OLFM3: variants seen among roughly 807,000 people sequenced by gnomAD.
OLFM3 encodes olfactomedin 3.
Under a neutral mutation model 48.6 loss-of-function variants are expected in OLFM3, and 20 were observed. That is an observed-to-expected ratio of 0.41 (90% CI 0.29 to 0.60). The LOEUF (loss-of-function observed/expected upper bound fraction) is 0.60. Among genes scored for constraint, OLFM3 ranks in the 20% least tolerant of loss-of-function variants. OLFM3 has a pLI of 0.28. For missense variants in OLFM3, 437 were observed against 544.3 expected, an observed-to-expected ratio of 0.80 and a Z score of 1.96; for synonymous variants, 222 against 198.1, an observed-to-expected ratio of 1.12 and a Z score of -1.01.
chr1:101,973,240 T>C (rs527514322), intron 1 of OLFM3, among the ~76,000 whole-genome samples: 1 of 152,310 alleles, frequency 6.6e-6, no homozygotes. Context: ...CTGAGACTGA[T>C]GGCCTGCGAA....
intron 1 of OLFM3, among the ~76,000 whole-genome samples, chr1:101,908,719 A>C (rs763896473): frequency 8.5e-5 from 13 of 152,326 alleles, no homozygotes; most frequent in Non-Finnish European, 1.6e-4. Context: ...CCCTAAATCC[A>C]GTGATAAATG....
chr1:101,986,117 C>T (rs1483288764), intron 1 of OLFM3, among the ~76,000 whole-genome samples: 1 of 151,988 alleles, frequency 6.6e-6, no homozygotes, highest in Non-Finnish European at 1.5e-5. Flanking sequence ...AGGCGCCCGC[C>T]ACCACGCCCG....
chr1:101,919,934 G>C (rs1003971376), intron 1 of OLFM3, among the ~76,000 whole-genome samples: 2 of 152,116 alleles, frequency 1.3e-5, no homozygotes, highest in African/African-American at 4.8e-5. Flanking sequence ...CTCTATCTCA[G>C]TAAATGGCAA....
chr1:101,893,279 C>A, intron 1 of OLFM3: 1 of 355,122 alleles, frequency 2.8e-6, no homozygotes, highest in East Asian at 7.9e-5. Context: ...ACAGTGCTGT[C>A]ATAATTGCCA....
At chr1:101,811,653 G>C (rs1009406002) in intron 4 of OLFM3, among the ~76,000 whole-genome samples, 4 of 152,174 alleles carry the variant, frequency 2.6e-5, no homozygotes, top group African/African-American at 9.7e-5. Context: ...TCTCACAGCA[G>C]TTAGAATGGC....
At chr1:101,982,058 T>C (rs975614256) in intron 1 of OLFM3, among the ~76,000 whole-genome samples, 1 of 152,220 alleles carries the variant, frequency 6.6e-6, no homozygotes, top group Non-Finnish European at 1.5e-5. Context: ...TAGGTTATGC[T>C]AAATTGAAGG....
At position 101,895,774 on chromosome 1, in the gene OLFM3, T is replaced by A. The variant is rs140592150; in HGVS notation, c.70-58749A>T. Among the ~76,000 whole-genome samples the A allele has an allele frequency of 3.9e-3, 600 of 152,158 alleles. 7 individuals carry two copies. Among genetic ancestry groups the A allele is most frequent in the African/African-American group, 0.014 (573 of 41,546 alleles). On this transcript the variant is annotated intron_variant, in intron 1 of 5. Coordinates refer to ENST00000370103, the MANE Select transcript of OLFM3 (RefSeq NM_058170.4). ...ATGGAAGAGAATAAAATACATCAGA[T>A]TGAACTTTATAATTTTTATGTTACA...
intron 1 of OLFM3, among the ~76,000 whole-genome samples, chr1:101,890,901 A>C (rs1360798915): frequency 6.6e-6 from 1 of 151,974 alleles, no homozygotes; most frequent in African/African-American, 2.4e-5. Flanking sequence ...ATGAATTAAC[A>C]CTGTTGGAAA....
chr1:101,844,127 T>C (rs1655869632), intron 1 of OLFM3, among the ~76,000 whole-genome samples: 1 of 152,164 alleles, frequency 6.6e-6, no homozygotes, highest in Non-Finnish European at 1.5e-5. Flanking sequence ...TTGGAATTAT[T>C]TGAGAGGCAG....
rs548153409 is a variant in OLFM3 at position 101,965,903 on chromosome 1, T to C, written c.69+30845A>G. 2.2e-4 allele frequency among the ~76,000 whole-genome samples: 33 copies of C among 152,342 alleles called. No individual in the cohort carries two copies. In the South Asian group the frequency reaches 6.6e-3, roughly 31 times the overall value. On this transcript the variant is annotated intron_variant, in intron 1 of 5. Transcript: ENST00000370103. Reference sequence around the variant, plus strand: ...TTGGTTATATTTGGTAAATGGGAGATACTGGTAGAACATCAAAGACAGGAG... The same window carrying C: ...TTGGTTATATTTGGTAAATGGGAGACACTGGTAGAACATCAAAGACAGGAG...
At chr1:101,953,717 C>CA (rs1358692662) in intron 1 of OLFM3, among the ~76,000 whole-genome samples, 2 of 152,054 alleles carry the variant, frequency 1.3e-5, no homozygotes, top group Non-Finnish European at 2.9e-5. Flanking sequence ...TAGCTTTGGG[C>CA]AAAAAATAAA....
In OLFM3 at chr1:101,878,627, G is replaced by A. The variant is rs989951248; in HGVS notation, c.70-41602C>T. On this transcript the variant is annotated intron_variant, in intron 1 of 5. Transcript: ENST00000370103. Reference sequence around the variant, plus strand: ...TTCTAGTATTGACCTGGGCTCATGCGGGAAGCCATTACCTGTGAGCTGGTG... The same window carrying A: ...TTCTAGTATTGACCTGGGCTCATGCAGGAAGCCATTACCTGTGAGCTGGTG... 4.6e-5 allele frequency among the ~76,000 whole-genome samples: 7 copies of A among 151,890 alleles called. No homozygotes were observed. The East Asian group carries it at 5.8e-4, about 13-fold the overall frequency.
chr1:101,931,831 C>T (rs527335059), intron 1 of OLFM3, among the ~76,000 whole-genome samples: 6 of 152,134 alleles, frequency 3.9e-5, no homozygotes, highest in Non-Finnish European at 7.4e-5. Context: ...CTTTCTGTAG[C>T]TTTGTGGGTA....
At chr1:101,837,850 A>G (rs934770824) in intron 1 of OLFM3, 9 of 152,056 alleles carry the variant, frequency 5.9e-5, no homozygotes, top group Non-Finnish European at 8.8e-5. Flanking sequence ...TCCTGCTTGG[A>G]ATGCCTCCTT....
intron 1 of OLFM3, among the ~76,000 whole-genome samples, chr1:101,991,654 A>C (rs1661416249): frequency 6.6e-6 from 1 of 151,394 alleles, no homozygotes. Context: ...ACATTTCCCT[A>C]GATGACTTTC....
chr1:101,865,746 G>T (rs933080529), intron 1 of OLFM3, among the ~76,000 whole-genome samples: 3 of 152,160 alleles, frequency 2.0e-5, no homozygotes, highest in African/African-American at 7.2e-5. Context: ...TCAAAGTCTG[G>T]TAATGCCCAC....
At chr1:101,900,934 T>C (rs1658368366) in intron 1 of OLFM3, among the ~76,000 whole-genome samples, 1 of 152,132 alleles carries the variant, frequency 6.6e-6, no homozygotes, top group Admixed American at 6.6e-5. Context: ...GTTAAACCTG[T>C]TCAAAAGTAA....
intron 1 of OLFM3, among the ~76,000 whole-genome samples, chr1:101,857,431 A>G (rs758165972): frequency 2.7e-4 from 41 of 152,004 alleles, no homozygotes; most frequent in Non-Finnish European, 4.4e-4. Flanking sequence ...TAATGTACAG[A>G]GCTAAAACTG....
At chr1:101,818,584 CA>C (rs1654448503) in intron 4 of OLFM3, among the ~76,000 whole-genome samples, 1 of 152,122 alleles carries the variant, frequency 6.6e-6, no homozygotes, top group Admixed American at 6.6e-5. Flanking sequence ...CTACCTCAGG[CA>C]CACAGCTTGA....
Sources: gnomAD v4.1 joint callset for allele counts (sites outside exome capture counted in the v4.1 genomes callset) on GRCh38, gnomAD v4.1.1 for gene constraint, MANE v1.5 for transcripts, NCBI Gene and HGNC (gene_info 2026-07-23, HGNC 2026-07-21) for gene names.